NXF1: variants seen among roughly 807,000 people sequenced by gnomAD.
The protein encoded by NXF1 is mRNA export factor TAP.
NXF1 carries 43 observed loss-of-function variants against 92.4 expected under a neutral mutation model. That is an observed-to-expected ratio of 0.47 (90% CI 0.36 to 0.60). The LOEUF (loss-of-function observed/expected upper bound fraction) is 0.60. Ranked by LOEUF, NXF1 falls within the 20% of genes least tolerant of loss-of-function variation. The probability of loss-of-function intolerance (pLI) is 0.00; values close to 1 mark genes in which losing one functional copy is unlikely to be tolerated. For missense variants in NXF1, 576 were observed against 793.0 expected (o/e 0.73, Z 3.29); for synonymous variants, 288 against 292.2 (o/e 0.99, Z 0.15).
chr11:62,800,606 T>A, intron 9 of NXF1, 120 bp from the exon 10 acceptor site: 5 of 138,898 alleles, frequency 3.6e-5, no homozygotes, highest in African/African-American at 3.3e-5. Context: ...AAATTTTTTC[T>A]TTTTTTTTTT....
chr11:62,792,375 G>GGGC lies in NXF1; in HGVS notation c.*98_*100dup, dbSNP rs2084373439. The GGGC allele has an allele frequency of 7.0e-7, 1 of 1,435,138 alleles. No homozygotes were observed. 88.9% of individuals were successfully genotyped at this position (1,435,138 alleles called of 1,614,324 possible). ...CCTCCCTCCCTCGGTCACAGTCACG[G>GGGC]GGCGGCCTCGGGCCAGACAGGAGGA... On this transcript the variant is annotated 3_prime_UTR_variant, in exon 21 of 21. Coordinates refer to ENST00000294172, the MANE Select transcript of NXF1 (RefSeq NM_006362.5).
chr11:62,803,783 G>T lies in NXF1; in HGVS notation c.215+9C>A. The T allele has an allele frequency of 6.2e-7, 1 of 1,611,264 alleles. No homozygotes were observed. ...CACTAAATTCAAACCAGACCAACTG[G>T]TCACTCACTATCGTACTCGGGGACC... On this transcript the variant is annotated intron_variant, in intron 2 of 20. Coordinates refer to ENST00000294172, the MANE Select transcript of NXF1 (RefSeq NM_006362.5).
rs1340624440 is a variant in NXF1, at chr11:62,792,706, A to G, written c.1761-5T>C. The stretch of plus-strand genomic sequence containing the variant: ...CAGTTGTTGTCCTGAAGGCACCTGG[A>G]GTGGAAGAACAGGCAGCTCTGTAAG... On this transcript the variant is annotated splice_polypyrimidine_tract_variant and splice_region_variant and intron_variant, in intron 19 of 20. Coordinates refer to ENST00000294172, the MANE Select transcript of NXF1 (RefSeq NM_006362.5). The G allele has an allele frequency of 3.1e-6, 5 of 1,614,134 alleles. No individual in the cohort carries two copies. The highest frequency in any genetic ancestry group is 4.2e-6 in the Non-Finnish European group (5 of 1,179,972).
Position 62,801,319 on chromosome 11 carries a change from A to C in NXF1, c.798+10T>G. Reference sequence around the variant, plus strand: ...CTTCCTCATGCCTAATACTGGGCCAAAGGCCTTACCTCAGGGATGTTCTCT... The same window carrying C: ...CTTCCTCATGCCTAATACTGGGCCACAGGCCTTACCTCAGGGATGTTCTCT... On this transcript the variant is annotated intron_variant, in intron 8 of 20. Coordinates refer to ENST00000294172, the MANE Select transcript of NXF1 (RefSeq NM_006362.5). The C allele has an allele frequency of 6.2e-7, 1 of 1,613,826 alleles. No homozygotes were observed. The highest frequency in any genetic ancestry group is 2.2e-5 in the East Asian group (1 of 44,890).
chr11:62,796,697 TG>T lies in NXF1; in HGVS notation c.1179-131del, dbSNP rs990944842. The T allele has an allele frequency of 1.1e-5, 7 of 650,160 alleles. No homozygotes were observed. The African/African-American group carries it at 1.3e-4, about 12-fold the overall frequency. 40.3% of individuals were successfully genotyped at this position (650,160 alleles called of 1,614,324 possible). ...CTGTAATCCCAGCACTTTGGGAGGC[TG>T]AGATGGGTGAATAGCTTGAGCCCAG... On this transcript the variant is annotated intron_variant, in intron 13 of 20. Transcript: ENST00000294172.
chr11:62,797,825 T>A (rs1388638547), intron 11 of NXF1, among the ~76,000 whole-genome samples: 6 of 151,666 alleles, frequency 4.0e-5, no homozygotes, highest in Non-Finnish European at 1.5e-5. Context: ...AAACGCATCA[T>A]GAAAAGTATC....
chr11:62,798,698 C>T, intron 10 of NXF1, 123 bp from the exon 11 acceptor site: 2 of 1,511,788 alleles, frequency 1.3e-6, no homozygotes, highest in African/African-American at 1.4e-5. Flanking sequence ...CCTCCACTCC[C>T]TCCCAGCCTG....
chr11:62,804,291 C>T, intron 1 of NXF1: 1 of 1,101,304 alleles, frequency 9.1e-7, no homozygotes, highest in Non-Finnish European at 1.2e-6. Flanking sequence ...TGAAAGCCAC[C>T]TGAAATCTGC....
Position 62,803,943 on chromosome 11 carries a change from T to C in NXF1, c.64A>G (p.Lys22Glu). 6.2e-7 allele frequency: 1 copy of C among 1,614,070 alleles called. No individual in the cohort carries two copies. Among genetic ancestry groups the C allele is most frequent in the Non-Finnish European group, 8.5e-7 (1 of 1,180,006 alleles). ...DDERVNFPQR[K>E]KKGRGPFRWK... ...CGGAAGGGACCCCGGCCTTTCTTCTTTCTTTGAGGGAAATTAACGCGTTCA... is the reference window on the plus strand; with the variant it reads ...CGGAAGGGACCCCGGCCTTTCTTCTCTCTTTGAGGGAAATTAACGCGTTCA... Residue 22 changes from lysine (K) to glutamate (E), a missense_variant, in exon 2 of 21, where the codon AAG becomes GAG. This residue lies in a region of NXF1 where 151 missense variants were observed against 157.8 expected (regional missense o/e 0.96). Coordinates refer to ENST00000294172, the MANE Select transcript of NXF1 (RefSeq NM_006362.5).
At chr11:62,792,751 C>G (rs1002808637) in intron 19 of NXF1, 50 bp from the exon 20 acceptor site, 1 of 1,591,392 alleles carries the variant, frequency 6.3e-7, no homozygotes, top group Non-Finnish European at 8.6e-7. Context: ...TCGTAAATGC[C>G]AGCTGAAAGT....
chr11:62,797,783 G>A (rs1273874197), intron 11 of NXF1, among the ~76,000 whole-genome samples: 1 of 152,204 alleles, frequency 6.6e-6, no homozygotes, highest in African/African-American at 2.4e-5. Flanking sequence ...GTAGACTGAA[G>A]AACTAAGAGA....
Position 62,805,363 on chromosome 11 carries a change from G to A in NXF1, c.-7C>T, listed in dbSNP as rs762632441. The stretch of plus-strand genomic sequence containing the variant: ...ACTTCCCCTCGTCCGCCATGCCACA[G>A]CGAAGATCAAGGGCGGGCTCAGGCG... On this transcript the variant is annotated 5_prime_UTR_variant, in exon 1 of 21. Transcript: ENST00000294172. 5.6e-6 allele frequency: 9 copies of A among 1,611,366 alleles called. No homozygotes were observed. The highest frequency in any genetic ancestry group is 4.0e-5 in the African/African-American group (3 of 74,750).
chr11:62,799,864 A>G lies in NXF1; in HGVS notation c.1016+513T>C, dbSNP rs538676341. On this transcript the variant is annotated intron_variant, in intron 10 of 20. Transcript: ENST00000294172. Reference sequence around the variant, plus strand: ...AGGAGGCCTCAACCTCAGCATGGACAGCAACAGCCCTGGGCAAGTGGATCC... The same window carrying G: ...AGGAGGCCTCAACCTCAGCATGGACGGCAACAGCCCTGGGCAAGTGGATCC... 1.2e-5 allele frequency: 12 copies of G among 987,012 alleles called. No individual in the cohort carries two copies. In the South Asian group the frequency reaches 4.7e-4, roughly 38 times the overall value. The allele number at this position is 987,012 out of a possible 1,614,324, so 61.1% of individuals were successfully genotyped here.
At chr11:62,802,362 T>G in intron 3 of NXF1, 102 bp from the exon 4 acceptor site, 2 of 917,188 alleles carry the variant, frequency 2.2e-6, no homozygotes, top group South Asian at 1.5e-5. Context: ...TTAAAGACTA[T>G]CTAAAGAAAG....
chr11:62,800,425 T>C lies in NXF1; in HGVS notation c.968A>G (p.Asp323Gly), dbSNP rs2084466494. Residue 323 changes from aspartate (D) to glycine (G), a missense_variant, in exon 10 of 21, where the codon GAT (aspartate) becomes GGT (glycine). Asp to Gly is a moderately conservative substitution (Grantham distance 94). Around this residue, in one of 2 missense-constraint regions of NXF1, gnomAD observed 425 missense variants for 635.2 expected, o/e 0.67. Coordinates refer to ENST00000294172, the MANE Select transcript of NXF1 (RefSeq NM_006362.5). ...GAAGGTGTCACACAGGGAGTTTCCA[T>C]CGAGCCAGAGCTCTTCTAGCTTCAG... ...KGLKLEELWL[D>G]GNSLCDTFRD... is the part of the protein sequence containing the mutation. The C allele has an allele frequency of 6.2e-7, 1 of 1,613,902 alleles. No homozygotes were observed. The highest frequency in any genetic ancestry group is 8.5e-7 in the Non-Finnish European group (1 of 1,179,982).
chr11:62,796,399 G>A (rs1159653900), intron 14 of NXF1, 54 bp from the exon 15 acceptor site: 2 of 1,610,046 alleles, frequency 1.2e-6, no homozygotes, highest in African/African-American at 2.7e-5. Flanking sequence ...GCCAGCAGGT[G>A]TGCCCTGTAT....
chr11:62,794,195 C>T, intron 19 of NXF1, 63 bp downstream of exon 19: 1 of 1,482,984 alleles, frequency 6.7e-7, no homozygotes. Context: ...TGTCAGGAGC[C>T]CTCATTATTT....
At chr11:62,797,698 C>A (rs1590951269) in intron 11 of NXF1, among the ~76,000 whole-genome samples, 1 of 152,048 alleles carries the variant, frequency 6.6e-6, no homozygotes, top group South Asian at 2.1e-4. Context: ...AGAGCCAGAC[C>A]CTGTCTCAAA....
intron 13 of NXF1, 70 bp downstream of exon 13, chr11:62,797,111 GAT>G: frequency 1.1e-6 from 1 of 951,882 alleles, no homozygotes. Flanking sequence ...CAAAAAGATT[GAT>G]GTGTGCCTGG....
Sources: allele counts gnomAD v4.1 joint callset (sites outside exome capture counted in the v4.1 genomes callset), GRCh38; gene constraint gnomAD v4.1.1; regional missense constraint gnomAD v4.1.1; transcripts MANE v1.5; gene names NCBI Gene and HGNC (gene_info 2026-07-23, HGNC 2026-07-21).